Variants in RIN2 observed in about 807,000 individuals in gnomAD.
The protein encoded by RIN2 is Ras and Rab interactor 2.
A neutral mutation model predicts 78.0 loss-of-function variants in RIN2; 36 were observed. The observed-to-expected ratio is 0.46, with a 90% confidence interval of 0.35 to 0.61. The LOEUF is 0.61. Among genes scored for constraint, RIN2 ranks in the 20% least tolerant of loss-of-function variants. The pLI, the probability that RIN2 is intolerant of heterozygous loss-of-function variation, is 0.00. For missense variants in RIN2, 1,087 were observed against 1,159.7 expected, an observed-to-expected ratio of 0.94 and a Z score of 0.91; for synonymous variants, 466 against 466.8, an observed-to-expected ratio of 1.00 and a Z score of 0.02.
At chr20:19,849,011 C>T (rs1244372606) in intron 2 of RIN2, among the ~76,000 whole-genome samples, 3 of 152,160 alleles carry the variant, frequency 2.0e-5, no homozygotes, top group Non-Finnish European at 4.4e-5. Context: ...TCTGTACATC[C>T]ATTCCGTACA....
At position 20,001,494 on chromosome 20, in the gene RIN2, T is replaced by TA. The variant is rs1785159555; in HGVS notation, c.*559dup. Reference sequence around the variant, plus strand: ...ATATTTTTGTAACTTTAAAATATTCTATAATTATGCATGTGATTTTAACAT... The same window carrying TA: ...ATATTTTTGTAACTTTAAAATATTCTAATAATTATGCATGTGATTTTAACAT... On this transcript the variant is annotated 3_prime_UTR_variant, in exon 13 of 13. Transcript: ENST00000255006. 6.6e-6 allele frequency: 1 copy of TA among 152,348 alleles called. No individual in the cohort carries two copies. The highest frequency in any genetic ancestry group is 2.1e-4 in the South Asian group (1 of 4,814). 9.4% of individuals were successfully genotyped at this position (152,348 alleles called of 1,614,324 possible).
intron 8 of RIN2, among the ~76,000 whole-genome samples, chr20:19,972,521 C>T (rs2042140064): frequency 6.6e-6 from 1 of 152,122 alleles, no homozygotes; most frequent in Admixed American, 6.5e-5. Context: ...ATCCATTTTG[C>T]GTAGAGATAG....
intron 2 of RIN2, among the ~76,000 whole-genome samples, chr20:19,839,811 A>G (rs966243642): frequency 6.6e-6 from 1 of 152,168 alleles, no homozygotes; most frequent in South Asian, 2.1e-4. Context: ...TTCAAATCCA[A>G]TGGGACATTT....
In RIN2 at chr20:19,833,494, T is replaced by G. The variant is rs995445105; in HGVS notation, c.-37+33747T>G. Among the ~76,000 whole-genome samples the G allele has an allele frequency of 5.3e-5, 8 of 152,308 alleles. No homozygotes were observed. The East Asian group carries it at 1.5e-3, about 29-fold the overall frequency. The stretch of plus-strand genomic sequence containing the variant: ...AAACCTATATTTTTTAAAAGCCAGT[T>G]AAGTACAAATGTCCCTTGGTGTTCA... On this transcript the variant is annotated intron_variant, in intron 2 of 12. Transcript: ENST00000255006.
At chr20:19,857,168 T>G (rs968431893) in intron 2 of RIN2, among the ~76,000 whole-genome samples, 1 of 152,150 alleles carries the variant, frequency 6.6e-6, no homozygotes, top group Non-Finnish European at 1.5e-5. Flanking sequence ...CTGTTTTCTA[T>G]TAATAGCAAT....
In RIN2 at chr20:19,760,664, AC is replaced by A. The variant is rs1242686760; in HGVS notation, c.-163+2340del. Among the ~76,000 whole-genome samples the A allele has an allele frequency of 3.9e-5, 6 of 152,206 alleles. 1 individual carries two copies. Among genetic ancestry groups the A allele is most frequent in the Non-Finnish European group, 2.9e-5 (2 of 68,014 alleles). ...TCACAGATGAAACACAGGGTATGCTACCCTGAGAGGTCCATGCTCGTGTGAC... is the reference window on the plus strand; with the variant it reads ...TCACAGATGAAACACAGGGTATGCTACCTGAGAGGTCCATGCTCGTGTGAC... On this transcript the variant is annotated intron_variant, in intron 1 of 12. Coordinates refer to ENST00000255006, the MANE Select transcript of RIN2 (RefSeq NM_018993.4).
At chr20:19,902,832 G>A (rs6112645) in intron 3 of RIN2, among the ~76,000 whole-genome samples, 55,456 of 151,992 alleles carry the variant, frequency 0.36, 10,068 homozygotes, top group Admixed American at 0.39. Context: ...GGTGGCTCAC[G>A]CCTGTAATCC....
At chr20:19,950,586 CTTTT>C (rs1030782298) in intron 4 of RIN2, among the ~76,000 whole-genome samples, 1 of 151,856 alleles carries the variant, frequency 6.6e-6, no homozygotes, top group African/African-American at 2.4e-5. Flanking sequence ...TTCTTTCTTT[CTTTT>C]GACACTTTCA....
intron 11 of RIN2, among the ~76,000 whole-genome samples, chr20:19,995,273 A>C (rs1006122360): frequency 7.2e-4 from 109 of 151,476 alleles, no homozygotes; most frequent in African/African-American, 2.4e-3. Context: ...AAAAAAAAAA[A>C]AAAAACAAAA....
At chr20:19,951,404 G>T (rs1411674169) in intron 4 of RIN2, among the ~76,000 whole-genome samples, 1 of 152,084 alleles carries the variant, frequency 6.6e-6, no homozygotes, top group East Asian at 1.9e-4. Flanking sequence ...AGTCATATTT[G>T]GGAGCAGGAA....
At chr20:19,786,679 G>T (rs192969377) in intron 1 of RIN2, among the ~76,000 whole-genome samples, 1 of 152,342 alleles carries the variant, frequency 6.6e-6, no homozygotes, top group East Asian at 1.9e-4. Context: ...TAATGAGGAT[G>T]CATGAAGCGT....
intron 1 of RIN2, among the ~76,000 whole-genome samples, chr20:19,796,086 GA>G (rs144883717): frequency 8.1e-6 from 1 of 123,222 alleles, no homozygotes; most frequent in African/African-American, 4.8e-5. Flanking sequence ...AAAGAGCAAA[GA>G]AAAAAAAGAA....
In RIN2 at chr20:19,956,078, G is replaced by A. The variant is rs145999130; in HGVS notation, c.159-537G>A. 9.9e-3 allele frequency among the ~76,000 whole-genome samples: 1,506 copies of A among 151,964 alleles called. 14 individuals are homozygous for A. The highest frequency in any genetic ancestry group is 0.01 in the African/African-American group (417 of 41,464). On this transcript the variant is annotated intron_variant, in intron 4 of 12. Coordinates refer to ENST00000255006, the MANE Select transcript of RIN2 (RefSeq NM_018993.4). Reference sequence around the variant, plus strand: ...TCAAGACCAGCCTGGCCAACATGGCGACACCCTATCTCTATTAAAAATACA... The same window carrying A: ...TCAAGACCAGCCTGGCCAACATGGCAACACCCTATCTCTATTAAAAATACA...
chr20:19,835,641 G>C (rs1033320333), intron 2 of RIN2, among the ~76,000 whole-genome samples: 2 of 152,178 alleles, frequency 1.3e-5, no homozygotes. Flanking sequence ...TTAACAGAAA[G>C]AAGTCAGTTT....
rs780610347 is a variant in RIN2 at position 19,835,081 on chromosome 20, G to GAA, written c.-37+35336_-37+35337dup. 3.3e-4 allele frequency among the ~76,000 whole-genome samples: 46 copies of GAA among 137,452 alleles called. 1 individual carries two copies. The highest frequency in any genetic ancestry group is 1.3e-3 in the South Asian group (6 of 4,480). 90.2% of individuals were successfully genotyped at this position (137,452 alleles called of 152,430 possible). A position where few individuals can be genotyped will look rare whatever the true frequency, so the allele number is the denominator to read the frequency against. On this transcript the variant is annotated intron_variant, in intron 2 of 12. Transcript: ENST00000255006. ...AGAAAGAGAAAAAGAGAAAGAGAAA[G>GAA]AAAGAGAAAAAGAAAGAAGAAAGAA...
chr20:19,977,990 C>T (rs1411252051), intron 9 of RIN2, among the ~76,000 whole-genome samples: 2 of 152,072 alleles, frequency 1.3e-5, no homozygotes, highest in Admixed American at 1.3e-4. Context: ...GAGCAGAGGT[C>T]AACCTGAGAA....
At chr20:19,902,060 T>C (rs2039012903) in intron 3 of RIN2, among the ~76,000 whole-genome samples, 2 of 151,120 alleles carry the variant, frequency 1.3e-5, no homozygotes, top group Non-Finnish European at 2.9e-5. Context: ...AACACACTGT[T>C]CCAGGCATTG....
intron 2 of RIN2, among the ~76,000 whole-genome samples, chr20:19,843,364 A>G (rs2036639481): frequency 6.6e-6 from 1 of 152,206 alleles, no homozygotes; most frequent in African/African-American, 2.4e-5. Context: ...AATCAATGTG[A>G]CAAACATCAT....
chr20:19,996,970 A>C, intron 12 of RIN2, 128 bp downstream of exon 12: 1 of 923,438 alleles, frequency 1.1e-6, no homozygotes, highest in Non-Finnish European at 1.6e-6. Flanking sequence ...ATCTCAAACC[A>C]CCCTCTGGCC....
Sources: allele counts gnomAD v4.1 joint callset (sites outside exome capture counted in the v4.1 genomes callset), GRCh38; gene constraint gnomAD v4.1.1; transcripts MANE v1.5; gene names NCBI Gene and HGNC (gene_info 2026-07-23, HGNC 2026-07-21).